DIS3: variants seen among roughly 807,000 people sequenced by gnomAD.
DIS3 encodes exosome complex exonuclease RRP44.
A neutral mutation model predicts 113.0 loss-of-function variants in DIS3; 103 were observed. The ratio of observed to expected loss-of-function variants is 0.91; its 90% CI spans 0.78 to 1.07. The LOEUF (loss-of-function observed/expected upper bound fraction) is 1.07. DIS3 is among the 50% of genes least tolerant of loss of function. The pLI, the probability that DIS3 is intolerant of heterozygous loss-of-function variation, is 0.00. For synonymous variants in DIS3, 402 were observed against 394.3 expected (o/e 1.02, Z -0.23); for missense variants, 1,121 against 1,167.1 (o/e 0.96, Z 0.58).
At chr13:72,770,780 T>A (rs1287965583) in intron 13 of DIS3, 124 bp downstream of exon 13, 3 of 444,196 alleles carry the variant, frequency 6.8e-6, no homozygotes, top group Non-Finnish European at 1.1e-5. Flanking sequence ...TCTTTTCAAA[T>A]ATATAAATAT....
Position 72,756,291 on chromosome 13 carries a change from A to C in DIS3, c.*3504T>G, listed in dbSNP as rs139337969. 1,506 of 187,360 alleles carry C rather than the reference A, an allele frequency of 8.0e-3. 15 individuals carry two copies. Among genetic ancestry groups the C allele is most frequent in the Non-Finnish European group, 0.012 (1,127 of 92,106 alleles). 11.6% of individuals were successfully genotyped at this position (187,360 alleles called of 1,614,324 possible). ...GCGTTATGTACCTGGCTCATCTTCA[A>C]CACACTAACCATGAACACTAATAGC... On this transcript the variant is annotated 3_prime_UTR_variant, in exon 21 of 21. Coordinates refer to ENST00000377767, the MANE Select transcript of DIS3 (RefSeq NM_014953.5).
chr13:72,765,976 G>C lies in DIS3; in HGVS notation c.1966C>G (p.Leu656Val), dbSNP rs374511971. 12 of 1,601,760 alleles carry C rather than the reference G, an allele frequency of 7.5e-6. No homozygotes were observed. Among genetic ancestry groups the C allele is most frequent in the Non-Finnish European group, 3.4e-6 (4 of 1,174,502 alleles). The change falls in exon 15 of 21, where the codon CTT (leucine) becomes GTT (valine). Residue 656 changes from leucine (L) to valine (V), a missense_variant. By Grantham distance (32) the Leu-to-Val change is conservative. Around this residue, in one of 3 missense-constraint regions of DIS3, gnomAD observed 861 missense variants for 915.5 expected, o/e 0.94. Transcript: ENST00000377767. ...CCCATCAAAAAAATTACAAACCTAA[G>C]TTCCTTGGTCTGCAGATCTATAGGA... Reference protein sequence around the residue: ...HDPIDLQTKELRETNSMVEEF... With the variant: ...HDPIDLQTKEVRETNSMVEEF...
chr13:72,772,418 C>A (rs929817696), intron 9 of DIS3, 143 bp from the exon 10 acceptor site: 9 of 721,034 alleles, frequency 1.2e-5, no homozygotes, highest in African/African-American at 1.1e-4. Context: ...CTTTTTCCTG[C>A]ACTGGAGCAG....
chr13:72,752,696 A>C lies in DIS3; in HGVS notation c.*7099T>G, dbSNP rs943089514. 10 of 152,218 alleles carry C rather than the reference A, an allele frequency of 6.6e-5. No individual in the cohort carries two copies. The highest frequency in any genetic ancestry group is 5.2e-4 in the Admixed American group (8 of 15,288). 9.4% of individuals were successfully genotyped at this position (152,218 alleles called of 1,614,324 possible). Reference sequence around the variant, plus strand: ...TACACATCACAAGGCTTTTGTTCTAATTGGAACATGACCTCTAGTAGTAAG... The same window carrying C: ...TACACATCACAAGGCTTTTGTTCTACTTGGAACATGACCTCTAGTAGTAAG... On this transcript the variant is annotated 3_prime_UTR_variant, in exon 21 of 21. Coordinates refer to ENST00000377767, the MANE Select transcript of DIS3 (RefSeq NM_014953.5).
chr13:72,771,174 T>C (rs889164912), intron 11 of DIS3, 29 bp from the exon 12 acceptor site: 1 of 1,578,468 alleles, frequency 6.3e-7, no homozygotes, highest in Non-Finnish European at 8.7e-7. Context: ...GAACCACAGA[T>C]TACTTAGCCA....
chr13:72,774,492 T>TA (rs994526849), intron 6 of DIS3, among the ~76,000 whole-genome samples: 1 of 151,996 alleles, frequency 6.6e-6, no homozygotes, highest in Non-Finnish European at 1.5e-5. Flanking sequence ...TTCTTCCTTA[T>TA]AAAAAATAAA....
intron 14 of DIS3, among the ~76,000 whole-genome samples, 176 bp from the exon 15 acceptor site, chr13:72,766,234 G>C (rs2033748162): frequency 6.6e-6 from 1 of 152,114 alleles, no homozygotes; most frequent in Admixed American, 6.5e-5. Flanking sequence ...GCTCAGTAGA[G>C]CTTTCATGAA....
intron 8 of DIS3, 60 bp downstream of exon 8, chr13:72,773,624 A>C: frequency 6.5e-7 from 1 of 1,533,220 alleles, no homozygotes; most frequent in Non-Finnish European, 8.8e-7. Flanking sequence ...TAAAAGCAGA[A>C]ATACTATTCA....
At chr13:72,764,979 C>T (rs528076673) in intron 15 of DIS3, among the ~76,000 whole-genome samples, 1 of 152,076 alleles carries the variant, frequency 6.6e-6, no homozygotes, top group East Asian at 1.9e-4. Flanking sequence ...TATAATAGCA[C>T]GCAAGCACAT....
intron 5 of DIS3, 45 bp downstream of exon 5, chr13:72,775,879 AT>A: frequency 6.9e-7 from 1 of 1,454,098 alleles, no homozygotes; most frequent in South Asian, 1.3e-5. Flanking sequence ...AATATATAAA[AT>A]ATCATCTTTA....
At position 72,771,114 on chromosome 13, in the gene DIS3, G is replaced by C. The variant is rs779209129; in HGVS notation, c.1637C>G (p.Ser546Cys). Residue 546 changes from serine to cysteine, a missense_variant, in exon 12 of 21, where the codon TCT becomes TGT. Physicochemically the swap from Ser to Cys is moderately radical, Grantham distance 112. This residue lies in a region of DIS3 where 861 missense variants were observed against 915.5 expected (regional missense o/e 0.94). Coordinates refer to ENST00000377767, the MANE Select transcript of DIS3 (RefSeq NM_014953.5). ...RIDMVPELLS[S>C]NLCSLKCDVD... Reference sequence around the variant, plus strand: ...GTCACATTTTAAGGAACACAAGTTAGAGCTAAGCAACTCTGGAACCATGTC... The same window carrying C: ...GTCACATTTTAAGGAACACAAGTTACAGCTAAGCAACTCTGGAACCATGTC... 6.2e-7 allele frequency: 1 copy of C among 1,613,588 alleles called. No homozygotes were observed. The highest frequency in any genetic ancestry group is 8.5e-7 in the Non-Finnish European group (1 of 1,179,796).
Position 72,762,107 on chromosome 13 carries a change from A to C in DIS3, c.2158T>G (p.Ser720Ala), listed in dbSNP as rs1385079157. Residue 720 changes from serine to alanine, a missense_variant, in exon 17 of 21, where the codon TCT (serine) becomes GCT (alanine). Coordinates refer to ENST00000377767, the MANE Select transcript of DIS3 (RefSeq NM_014953.5). ...GCCTGATCCAAAGACTCAGCCAAAG[A>C]CTTGGCTGTATCAGTCTTAATTTCC... ...NLEIKTDTAK[S>A]LAESLDQAES... The C allele has an allele frequency of 1.2e-6, 2 of 1,613,984 alleles. No individual in the cohort carries two copies. The highest frequency in any genetic ancestry group is 3.3e-5 in the Admixed American group (2 of 60,032).
In DIS3 at chr13:72,768,829, C is replaced by A. The variant is rs112826998; in HGVS notation, c.1839G>T (p.Leu613=). The A allele has an allele frequency of 8.7e-6, 14 of 1,608,526 alleles. No individual in the cohort carries two copies. In the African/African-American group the frequency reaches 9.3e-5, roughly 11 times the overall value. ...NDDITTSLRG[L]NKLAKILKKR... ...TCTTCAGAATTTTGGCTAGTTTATT[C>A]AGTCCACGGAGACTAGTGGTAATAT... is the stretch of plus-strand genomic sequence containing the variant. Residue 613 remains leucine, a synonymous_variant, in exon 14 of 21, where the codon CTG becomes CTT. Transcript: ENST00000377767.
At position 72,758,776 on chromosome 13, in the gene DIS3, T is replaced by C. The variant is rs1464159252; in HGVS notation, c.*1019A>G. ...TTTTCTCACTATACTGCAAGCTCCT[T>C]GAAGGCAGAGATAATTTACTTGAGT... is the stretch of plus-strand genomic sequence containing the variant. On this transcript the variant is annotated 3_prime_UTR_variant, in exon 21 of 21. Coordinates refer to ENST00000377767, the MANE Select transcript of DIS3 (RefSeq NM_014953.5). 4.9e-6 allele frequency: 1 copy of C among 203,082 alleles called. No homozygotes were observed. Among genetic ancestry groups the C allele is most frequent in the Non-Finnish European group, 1.0e-5 (1 of 98,730 alleles). The allele number at this position is 203,082 out of a possible 1,614,324, so 12.6% of individuals were successfully genotyped here. A position where few individuals can be genotyped will look rare whatever the true frequency, so the allele number is the denominator to read the frequency against.
intron 11 of DIS3, among the ~76,000 whole-genome samples, 157 bp from the exon 12 acceptor site, chr13:72,771,302 T>C (rs946661080): frequency 1.3e-5 from 2 of 152,200 alleles, no homozygotes; most frequent in Non-Finnish European, 2.9e-5. Context: ...AAAAGGTTTG[T>C]TTCTATAAAA....
chr13:72,763,905 T>C (rs970932219), intron 15 of DIS3, among the ~76,000 whole-genome samples: 15 of 152,068 alleles, frequency 9.9e-5, no homozygotes, highest in African/African-American at 3.6e-4. Context: ...TCCCAGCACT[T>C]TGGGAGGCCG....
At position 72,761,397 on chromosome 13, in the gene DIS3, T is replaced by C; in HGVS notation, c.2636A>G (p.Asp879Gly). The C allele has an allele frequency of 2.5e-6, 4 of 1,608,772 alleles. No individual in the cohort carries two copies. The highest frequency in any genetic ancestry group is 3.4e-6 in the Non-Finnish European group (4 of 1,178,840). The change falls in exon 19 of 21, where the codon GAC (aspartate) becomes GGC (glycine). Residue 879 changes from aspartate (D) to glycine (G), a missense_variant. Around this residue, in one of 3 missense-constraint regions of DIS3, gnomAD observed 861 missense variants for 915.5 expected, o/e 0.94. Transcript: ENST00000377767. ...ATAAATAAGCTGTGGGTTTGGTTTGTCCTTTTCTTCAAAAAAGACTGTCCC... is the reference window on the plus strand; with the variant it reads ...ATAAATAAGCTGTGGGTTTGGTTTGCCCTTTTCTTCAAAAAAGACTGTCCC... ...LEGTVFFEEKDKPNPQLIYDD... is the reference protein window; with the variant it reads ...LEGTVFFEEKGKPNPQLIYDD...
rs748502365 is a variant in DIS3, at chr13:72,762,011, C to G, written c.2254G>C (p.Val752Leu). 26 of 1,614,016 alleles carry G rather than the reference C, an allele frequency of 1.6e-5. No homozygotes were observed. Among genetic ancestry groups the G allele is most frequent in the Non-Finnish European group, 2.2e-5 (26 of 1,180,042 alleles). The change falls in exon 17 of 21, where the codon GTG becomes CTG. Residue 752 changes from valine to leucine, a missense_variant. Val to Leu is a conservative substitution (Grantham distance 32). Coordinates refer to ENST00000377767, the MANE Select transcript of DIS3 (RefSeq NM_014953.5). ...TTATCCATTCCAGAACAGAAGTACA[C>G]AGCTTGCATCATACAGCGAGTGGCT... ...ILATRCMMQA[V>L]YFCSGMDNDF...
In DIS3 at chr13:72,757,953, GTTTATAA is replaced by G. The variant is rs1478705297; in HGVS notation, c.*1835_*1841del. 1 of 200,614 alleles carries G rather than the reference GTTTATAA, an allele frequency of 5.0e-6. No homozygotes were observed. The highest frequency in any genetic ancestry group is 2.3e-5 in the African/African-American group (1 of 43,508). 12.4% of individuals were successfully genotyped at this position (200,614 alleles called of 1,614,324 possible). On this transcript the variant is annotated 3_prime_UTR_variant, in exon 21 of 21. Transcript: ENST00000377767. ...ACTTTATGTAGCCTAAGTATATAGTGTTTATAAAAGTCTACAGTAGTGCACAGTAATA... is the reference window on the plus strand; with the variant it reads ...ACTTTATGTAGCCTAAGTATATAGTGAAGTCTACAGTAGTGCACAGTAATA...
Sources: allele counts gnomAD v4.1 joint callset (sites outside exome capture counted in the v4.1 genomes callset), GRCh38; gene constraint gnomAD v4.1.1; regional missense constraint gnomAD v4.1.1; transcripts MANE v1.5; gene names NCBI Gene and HGNC (gene_info 2026-07-23, HGNC 2026-07-21).